The following OPCML variants were observed in gnomAD, a reference collection of about 807,000 sequenced individuals.
OPCML encodes opioid-binding protein/cell adhesion molecule.
OPCML carries 13 observed loss-of-function variants against 37.8 expected under a neutral mutation model. The ratio of observed to expected loss-of-function variants is 0.34; its 90% CI spans 0.22 to 0.55. The LOEUF (loss-of-function observed/expected upper bound fraction) is 0.55, where lower values mean the gene tolerates loss of function less well. Ranked by LOEUF, OPCML falls within the 20% of genes least tolerant of loss-of-function variation. The pLI, the probability that OPCML is intolerant of heterozygous loss-of-function variation, is 0.91. For synonymous variants in OPCML, 176 were observed against 168.8 expected (o/e 1.04, Z -0.33); for missense variants, 341 against 435.6 (o/e 0.78, Z 1.93).
chr11:132,683,343 C>T (rs1356577184), intron 2 of OPCML, among the ~76,000 whole-genome samples: 3 of 152,100 alleles, frequency 2.0e-5, no homozygotes, highest in Non-Finnish European at 4.4e-5. Context: ...CCACTGCACT[C>T]CAGCCTGGGT....
intron 2 of OPCML, among the ~76,000 whole-genome samples, chr11:132,801,419 G>A (rs922149316): frequency 1.3e-5 from 2 of 152,120 alleles, no homozygotes; most frequent in African/African-American, 2.4e-5. Flanking sequence ...ACAGACTCAT[G>A]CCTGGAGAGA....
intron 1 of OPCML, among the ~76,000 whole-genome samples, chr11:133,404,961 A>G (rs922772067): frequency 1.7e-4 from 26 of 152,224 alleles, no homozygotes; most frequent in African/African-American, 5.8e-4. Flanking sequence ...GGAACTTGAC[A>G]TTTTAGAGTT....
At chr11:133,232,818 CA>C (rs1429496456) in intron 1 of OPCML, among the ~76,000 whole-genome samples, 1 of 152,110 alleles carries the variant, frequency 6.6e-6, no homozygotes, top group Non-Finnish European at 1.5e-5. Context: ...GGACTGCCAC[CA>C]AGTGAATAAA....
intron 1 of OPCML, among the ~76,000 whole-genome samples, chr11:132,966,060 TTTTC>T (rs1382050122): frequency 2.0e-5 from 3 of 152,022 alleles, no homozygotes; most frequent in Non-Finnish European, 4.4e-5. Flanking sequence ...ATCTTTATTA[TTTTC>T]TTTTTCTCCT....
chr11:132,777,263 G>C (rs967323003), intron 2 of OPCML, among the ~76,000 whole-genome samples: 2 of 152,216 alleles, frequency 1.3e-5, no homozygotes, highest in East Asian at 3.8e-4. Context: ...TAGAAGATCT[G>C]TCAGTCACAT....
At chr11:133,441,994 A>G (rs1262230345) in intron 1 of OPCML, among the ~76,000 whole-genome samples, 1 of 152,176 alleles carries the variant, frequency 6.6e-6, no homozygotes, top group African/African-American at 2.4e-5. Flanking sequence ...TAATAATAAT[A>G]CCTAATGTTT....
At chr11:132,829,630 C>G (rs985728825) in intron 2 of OPCML, among the ~76,000 whole-genome samples, 3 of 152,148 alleles carry the variant, frequency 2.0e-5, no homozygotes, top group African/African-American at 2.4e-5. Context: ...CGGTGTTGGC[C>G]TACATTAGCA....
rs1338535904 is a variant in OPCML, at chr11:133,439,277, C to G, written c.61+92987G>C. ...AAGCACTGGACTCCCTGTTGGTGTC[C>G]AGAGAGTAAAAGATGTTTTTTTTTT... On this transcript the variant is annotated intron_variant, in intron 1 of 7. Transcript: ENST00000524381. 3 of 975,708 alleles carry G rather than the reference C, an allele frequency of 3.1e-6. No homozygotes were observed. The East Asian group carries it at 3.5e-4, about 113-fold the overall frequency. The allele number at this position is 975,708 out of a possible 1,614,324, so 60.4% of individuals were successfully genotyped here. A position where few individuals can be genotyped will look rare whatever the true frequency, so the allele number is the denominator to read the frequency against.
At position 132,681,602 on chromosome 11, in the gene OPCML, G is replaced by C. The variant is rs574653495; in HGVS notation, c.147-24283C>G. ...CTCCGCTTTCACCACCCTTCAGTTT[G>C]TTCCTGCAACCTCATTCCTCCGGGA... On this transcript the variant is annotated intron_variant, in intron 2 of 7. Transcript: ENST00000524381. Among the ~76,000 whole-genome samples, 3 of 152,202 alleles carry C rather than the reference G, an allele frequency of 2.0e-5. No homozygotes were observed. The East Asian group carries it at 5.8e-4, about 30-fold the overall frequency.
chr11:133,267,846 T>C lies in OPCML; in HGVS notation c.61+264418A>G, dbSNP rs554918379. Among the ~76,000 whole-genome samples, 19 of 152,320 alleles carry C rather than the reference T, an allele frequency of 1.2e-4. No individual in the cohort carries two copies. In the East Asian group the frequency reaches 3.7e-3, roughly 29 times the overall value. On this transcript the variant is annotated intron_variant, in intron 1 of 7. Coordinates refer to ENST00000524381, the MANE Select transcript of OPCML (RefSeq NM_001012393.5). ...GCACACGCTCTCTTGCCTGCCACCA[T>C]GTAAGATGTGACTTTGCTCCTCCTT...
At position 133,140,994 on chromosome 11, in the gene OPCML, A is replaced by AGACGAAGAC. The variant is rs1177428334; in HGVS notation, c.62-197985_62-197984insGTCTTCGTC. Among the ~76,000 whole-genome samples the AGACGAAGAC allele has an allele frequency of 9.8e-4, 4 of 4,084 alleles. 2 individuals are homozygous for AGACGAAGAC. The highest frequency in any genetic ancestry group is 1.7e-3 in the African/African-American group (4 of 2,318). The allele number at this position is 4,084 out of a possible 152,430, so 2.7% of individuals were successfully genotyped here. ...AAGAAGAAGAAGAAGAAGAAGAAGA[A>AGACGAAGAC]GAAGACGACGACGACGACGACGACG... is the stretch of plus-strand genomic sequence containing the variant. On this transcript the variant is annotated intron_variant, in intron 1 of 7. Transcript: ENST00000524381.
intron 1 of OPCML, among the ~76,000 whole-genome samples, chr11:132,990,502 G>A (rs1946755943): frequency 1.3e-5 from 2 of 152,332 alleles, no homozygotes; most frequent in South Asian, 2.1e-4. Context: ...AGTAGGAAAG[G>A]TAGGCATTCT....
rs139129551 is a variant in OPCML at position 133,488,566 on chromosome 11, A to G, written c.61+43698T>C. On this transcript the variant is annotated intron_variant, in intron 1 of 7. Transcript: ENST00000524381. The stretch of plus-strand genomic sequence containing the variant: ...AACCAAGAAGGTGAAAGATACCTAC[A>G]AAATTATGATGGAATAAATCATAGA... Among the ~76,000 whole-genome samples the G allele has an allele frequency of 4.4e-3, 675 of 152,350 alleles. 6 individuals are homozygous for G. The highest frequency in any genetic ancestry group is 0.015 in the African/African-American group (633 of 41,590).
chr11:132,702,117 G>A (rs1428094354), intron 2 of OPCML, among the ~76,000 whole-genome samples: 1 of 152,118 alleles, frequency 6.6e-6, no homozygotes, highest in African/African-American at 2.4e-5. Flanking sequence ...TTCTGTATTA[G>A]AGTATCCTGA....
At chr11:132,689,511 G>A (rs181054623) in intron 2 of OPCML, among the ~76,000 whole-genome samples, 25 of 152,322 alleles carry the variant, frequency 1.6e-4, no homozygotes, top group African/African-American at 5.5e-4. Flanking sequence ...CTTATCCACT[G>A]GTTCAAAAGT....
intron 2 of OPCML, among the ~76,000 whole-genome samples, chr11:132,929,466 C>T (rs991092843): frequency 6.6e-6 from 1 of 152,080 alleles, no homozygotes; most frequent in Admixed American, 6.6e-5. Flanking sequence ...TGAATTTTAT[C>T]AAACATTTAT....
rs147544376 is a variant in OPCML, at chr11:133,189,551, A to T, written c.62-246541T>A. Reference sequence around the variant, plus strand: ...TGTTATAAATACTGGAATACTGAGAAGTCAGGTTGTCCATCTCTCATCTTG... The same window carrying T: ...TGTTATAAATACTGGAATACTGAGATGTCAGGTTGTCCATCTCTCATCTTG... On this transcript the variant is annotated intron_variant, in intron 1 of 7. Transcript: ENST00000524381. Among the ~76,000 whole-genome samples, 888 of 152,326 alleles carry T rather than the reference A, an allele frequency of 5.8e-3. 6 individuals are homozygous for T. Among genetic ancestry groups the T allele is most frequent in the African/African-American group, 0.018 (765 of 41,578 alleles).
chr11:132,985,178 T>C (rs1159564879), intron 1 of OPCML, among the ~76,000 whole-genome samples: 1 of 152,170 alleles, frequency 6.6e-6, no homozygotes, highest in Non-Finnish European at 1.5e-5. Context: ...CACAAATTTA[T>C]CAACTTGAAA....
chr11:132,852,912 A>T (rs1294953880), intron 2 of OPCML, among the ~76,000 whole-genome samples: 2 of 152,098 alleles, frequency 1.3e-5, no homozygotes, highest in Non-Finnish European at 2.9e-5. Flanking sequence ...GTTAAAAAAA[A>T]AAAAAAAGAA....
Sources: gnomAD v4.1 joint callset for allele counts (sites outside exome capture counted in the v4.1 genomes callset) on GRCh38, gnomAD v4.1.1 for gene constraint, MANE v1.5 for transcripts, NCBI Gene and HGNC (gene_info 2026-07-23, HGNC 2026-07-21) for gene names.